Variants in PI4KA observed in about 807,000 individuals in gnomAD.
The protein encoded by PI4KA is PI4-kinase alpha.
Under a neutral mutation model 271.4 loss-of-function variants are expected in PI4KA, and 122 were observed. That is an observed-to-expected ratio of 0.45 (90% CI 0.39 to 0.52). The LOEUF is 0.52. PI4KA is among the 20% of genes least tolerant of loss of function. The probability of loss-of-function intolerance (pLI) is 0.00; values close to 1 mark genes in which losing one functional copy is unlikely to be tolerated. For missense variants in PI4KA, 1,969 were observed against 2,769.1 expected (o/e 0.71, Z 6.48); for synonymous variants, 1,041 against 1,078.8 (o/e 0.96, Z 0.69).
intron 47 of PI4KA, 111 bp downstream of exon 47, chr22:20,714,347 A>G (rs1391589251): frequency 2.1e-5 from 31 of 1,501,592 alleles, no homozygotes; most frequent in Non-Finnish European, 2.7e-5. Flanking sequence ...ACAGATGGAC[A>G]GACATCATCT....
rs188875237 is a variant in PI4KA at position 20,757,920 on chromosome 22, G to A, written c.2791+3384C>T. On this transcript the variant is annotated intron_variant, in intron 23 of 54. Transcript: ENST00000255882. ...TGCTTAATTCTTCTAGAGGTTGGCA[G>A]TTTCAATTTTGTTGTTGCTTAGTCT... Among the ~76,000 whole-genome samples the A allele has an allele frequency of 6.6e-5, 10 of 152,214 alleles. 1 individual carries two copies. The highest frequency in any genetic ancestry group is 2.4e-4 in the African/African-American group (10 of 41,536).
At chr22:20,708,155 C>T in intron 54 of PI4KA, 57 bp from the exon 55 acceptor site, 1 of 1,432,814 alleles carries the variant, frequency 7.0e-7, no homozygotes, top group Admixed American at 1.7e-5. Flanking sequence ...GTCTGGGGTC[C>T]CTCCCCACAG....
At chr22:20,755,389 A>G (rs886735153) in intron 23 of PI4KA, among the ~76,000 whole-genome samples, 5 of 152,126 alleles carry the variant, frequency 3.3e-5, no homozygotes, top group Non-Finnish European at 5.9e-5. Flanking sequence ...AGGCCTCCCT[A>G]GAATCAACCA....
intron 19 of PI4KA, chr22:20,786,202 G>C (rs1934210709): frequency 1.2e-6 from 2 of 1,602,848 alleles, no homozygotes; most frequent in Non-Finnish European, 1.7e-6. Flanking sequence ...CCTCAGCACA[G>C]CCCCACCTCC....
chr22:20,798,828 C>T, intron 16 of PI4KA, 141 bp from the exon 17 acceptor site: 1 of 664,970 alleles, frequency 1.5e-6, no homozygotes, highest in East Asian at 2.6e-5. Context: ...ATTTCTAAAG[C>T]TTTAATCAAA....
intron 42 of PI4KA, among the ~76,000 whole-genome samples, chr22:20,722,594 G>C (rs1236516322): frequency 6.6e-6 from 1 of 152,172 alleles, no homozygotes; most frequent in Non-Finnish European, 1.5e-5. Context: ...GCCACTCATA[G>C]TAGTAACTCC....
intron 19 of PI4KA, among the ~76,000 whole-genome samples, chr22:20,768,338 T>C (rs1446594412): frequency 2.0e-5 from 3 of 151,412 alleles, no homozygotes; most frequent in African/African-American, 4.9e-5. Context: ...TCCCCAAGTG[T>C]TGGAATTACA....
intron 8 of PI4KA, among the ~76,000 whole-genome samples, chr22:20,811,607 CAA>C (rs1185062165): frequency 1.8e-5 from 2 of 112,412 alleles, no homozygotes; most frequent in East Asian, 2.4e-4. Flanking sequence ...TGCAGAACCA[CAA>C]AAAAAAAAAA....
intron 11 of PI4KA, 94 bp from the exon 12 acceptor site, chr22:20,804,494 C>T: frequency 1.2e-6 from 1 of 858,526 alleles, no homozygotes; most frequent in Non-Finnish European, 2.0e-6. Flanking sequence ...TTTAATAAAA[C>T]CCCAGAGACA....
At chr22:20,850,875 A>G in intron 1 of PI4KA, among the ~76,000 whole-genome samples, 1 of 151,420 alleles carries the variant, frequency 6.6e-6, no homozygotes, top group South Asian at 2.1e-4. Flanking sequence ...CCCCATCTCT[A>G]AAAAAATTTT....
chr22:20,813,547 G>T, intron 7 of PI4KA, 41 bp from the exon 8 acceptor site: 1 of 1,600,892 alleles, frequency 6.2e-7, no homozygotes, highest in African/African-American at 1.3e-5. Context: ...GTGGTGACAG[G>T]CAACTAGGGT....
Position 20,848,724 on chromosome 22 carries a change from A to G in PI4KA, c.156+9846T>C, listed in dbSNP as rs554212462. Reference sequence around the variant, plus strand: ...AACTCAAATGTAAGAGCTAAACTATAAAACTGCTAACAAAAAACACAGGTG... The same window carrying G: ...AACTCAAATGTAAGAGCTAAACTATGAAACTGCTAACAAAAAACACAGGTG... On this transcript the variant is annotated intron_variant, in intron 1 of 54. Coordinates refer to ENST00000255882, the MANE Select transcript of PI4KA (RefSeq NM_058004.4). Among the ~76,000 whole-genome samples the G allele has an allele frequency of 1.4e-4, 21 of 152,342 alleles. No homozygotes were observed. The South Asian group carries it at 4.1e-3, about 30-fold the overall frequency.
At chr22:20,762,882 G>C (rs1156242529) in intron 22 of PI4KA, among the ~76,000 whole-genome samples, 1 of 152,152 alleles carries the variant, frequency 6.6e-6, no homozygotes, top group African/African-American at 2.4e-5. Context: ...CCAGGCTAGA[G>C]TGCAGTGGTT....
At chr22:20,775,035 T>G (rs1933154000) in intron 19 of PI4KA, among the ~76,000 whole-genome samples, 1 of 152,148 alleles carries the variant, frequency 6.6e-6, no homozygotes, top group Non-Finnish European at 1.5e-5. Flanking sequence ...TTTCCAAACT[T>G]TAGGCAGTTA....
At chr22:20,799,593 T>C in intron 15 of PI4KA, 78 bp downstream of exon 15, 2 of 967,050 alleles carry the variant, frequency 2.1e-6, no homozygotes, top group South Asian at 1.4e-5. Flanking sequence ...GAGGCATGCA[T>C]ACGCACAATG....
chr22:20,770,033 A>G (rs1304056067), intron 19 of PI4KA, among the ~76,000 whole-genome samples: 1 of 152,056 alleles, frequency 6.6e-6, no homozygotes, highest in African/African-American at 2.4e-5. Flanking sequence ...CAATTATTCC[A>G]ATTTCTCTGT....
At chr22:20,729,571 C>G (rs912525484) in intron 38 of PI4KA, 61 bp downstream of exon 38, 1 of 1,551,846 alleles carries the variant, frequency 6.4e-7, no homozygotes, top group Non-Finnish European at 8.7e-7. Context: ...ACTGCCCCGG[C>G]CACCAGGTGT....
chr22:20,757,781 T>C (rs971775795), intron 23 of PI4KA, among the ~76,000 whole-genome samples: 12 of 152,270 alleles, frequency 7.9e-5, no homozygotes, highest in Middle Eastern at 3.4e-3. Context: ...TGACATCAAG[T>C]GATCCACCCA....
chr22:20,737,883 G>T (rs938388867), intron 32 of PI4KA, among the ~76,000 whole-genome samples: 2 of 152,094 alleles, frequency 1.3e-5, no homozygotes, highest in African/African-American at 2.4e-5. Context: ...CACCCGCCTC[G>T]GCCTCCCAAA....
Sources: gnomAD v4.1 joint callset for allele counts (sites outside exome capture counted in the v4.1 genomes callset) on GRCh38, gnomAD v4.1.1 for gene constraint, MANE v1.5 for transcripts, NCBI Gene and HGNC (gene_info 2026-07-23, HGNC 2026-07-21) for gene names.